The following MRPS23 variants were observed in gnomAD, a reference collection of about 807,000 sequenced individuals.
MRPS23 encodes the protein small ribosomal subunit protein mS23.
MRPS23 carries 14 observed loss-of-function variants against 19.8 expected under a neutral mutation model. The ratio of observed to expected loss-of-function variants is 0.71; its 90% CI spans 0.47 to 1.11. The LOEUF (loss-of-function observed/expected upper bound fraction) is 1.11. Among genes scored for constraint, MRPS23 ranks in the 50% least tolerant of loss-of-function variants. The pLI is 0.00. For synonymous variants in MRPS23, 113 were observed against 89.7 expected, an observed-to-expected ratio of 1.26 and a Z score of -1.47; for missense variants, 242 against 236.7, an observed-to-expected ratio of 1.02 and a Z score of -0.15.
chr17:57,848,731 A>AG (rs921262930), intron 2 of MRPS23: 1 of 149,168 alleles, frequency 6.7e-6, no homozygotes, highest in African/African-American at 2.5e-5. Flanking sequence ...CCGGACTACT[A>AG]GATCCACAGA....
At chr17:57,844,701 T>G (rs1597953073) in intron 2 of MRPS23, among the ~76,000 whole-genome samples, 1 of 133,026 alleles carries the variant, frequency 7.5e-6, no homozygotes, top group Admixed American at 8.3e-5. Flanking sequence ...ACCCGGGAGG[T>G]GGAGGCTGCA....
At chr17:57,844,159 C>T (rs1243145097) in intron 2 of MRPS23, among the ~76,000 whole-genome samples, 1 of 146,694 alleles carries the variant, frequency 6.8e-6, no homozygotes, top group Non-Finnish European at 1.5e-5. Context: ...GGGGTCTTGC[C>T]ATGTTGCCAG....
chr17:57,839,942 A>C lies in MRPS23; in HGVS notation c.421-7T>G. On this transcript the variant is annotated splice_region_variant and splice_polypyrimidine_tract_variant and intron_variant, in intron 4 of 4. Transcript: ENST00000313608. ...CGTGACTACCTCCGTGTTGCTTAAA[A>C]GACCAGATTTAAGTATCACAGAGAT... 6.2e-7 allele frequency: 1 copy of C among 1,614,062 alleles called. No homozygotes were observed. The highest frequency in any genetic ancestry group is 8.5e-7 in the Non-Finnish European group (1 of 1,179,892).
rs2073701484 is a variant in MRPS23 at position 57,835,941 on chromosome 17, C to T, written c.*3842G>A. On this transcript the variant is annotated 3_prime_UTR_variant, in exon 5 of 5. Transcript: ENST00000313608. ...GGGTTAAAAGAATAAGAATTTCTGCCCTCCTTTATACTTTTTTTTTTTTTT... is the reference window on the plus strand; with the variant it reads ...GGGTTAAAAGAATAAGAATTTCTGCTCTCCTTTATACTTTTTTTTTTTTTT... The T allele has an allele frequency of 6.9e-6, 1 of 144,818 alleles. No homozygotes were observed. The highest frequency in any genetic ancestry group is 2.5e-5 in the African/African-American group (1 of 39,592). The allele number at this position is 144,818 out of a possible 1,614,324, so 9.0% of individuals were successfully genotyped here. A position where few individuals can be genotyped will look rare whatever the true frequency, so the allele number is the denominator to read the frequency against.
At position 57,835,318 on chromosome 17, in the gene MRPS23, G is replaced by T. The variant is rs1329653737; in HGVS notation, c.*4465C>A. The T allele has an allele frequency of 6.6e-6, 1 of 152,158 alleles. No homozygotes were observed. Among genetic ancestry groups the T allele is most frequent in the African/African-American group, 2.4e-5 (1 of 41,414 alleles). 9.4% of individuals were successfully genotyped at this position (152,158 alleles called of 1,614,324 possible). A position where few individuals can be genotyped will look rare whatever the true frequency, so the allele number is the denominator to read the frequency against. ...AGCACCAGTTCCACGTCACCAACTG[G>T]GTGTTAGTGATGCTGCTAAGTTTTC... On this transcript the variant is annotated 3_prime_UTR_variant, in exon 5 of 5. Transcript: ENST00000313608.
chr17:57,836,775 C>T lies in MRPS23; in HGVS notation c.*3008G>A, dbSNP rs1264225435. 2 of 151,430 alleles carry T rather than the reference C, an allele frequency of 1.3e-5. No individual in the cohort carries two copies. Among genetic ancestry groups the T allele is most frequent in the African/African-American group, 4.9e-5 (2 of 41,116 alleles). 9.4% of individuals were successfully genotyped at this position (151,430 alleles called of 1,614,324 possible). On this transcript the variant is annotated 3_prime_UTR_variant, in exon 5 of 5. Coordinates refer to ENST00000313608, the MANE Select transcript of MRPS23 (RefSeq NM_016070.4). The stretch of plus-strand genomic sequence containing the variant: ...AACTGCAGCCTCTGCCTCCTGGGTT[C>T]CAGCGATTCTCCTGCCTCAGCCTCC...
intron 2 of MRPS23, among the ~76,000 whole-genome samples, chr17:57,848,444 G>A (rs1457782422): frequency 6.6e-6 from 1 of 151,118 alleles, no homozygotes. Flanking sequence ...GTGGGATCTC[G>A]GCTCACTGCA....
At chr17:57,847,164 G>A (rs891625172) in intron 2 of MRPS23, among the ~76,000 whole-genome samples, 22 of 151,444 alleles carry the variant, frequency 1.5e-4, no homozygotes, top group African/African-American at 5.3e-4. Context: ...ATGGTGGCGT[G>A]AGCCTGTAAT....
intron 2 of MRPS23, among the ~76,000 whole-genome samples, chr17:57,842,242 A>G (rs2144874514): frequency 6.6e-6 from 1 of 152,334 alleles, no homozygotes; most frequent in East Asian, 1.9e-4. Flanking sequence ...TTGAACTGCT[A>G]GCCTCAAGAG....
intron 2 of MRPS23, among the ~76,000 whole-genome samples, chr17:57,845,632 T>C (rs758105626): frequency 6.6e-6 from 1 of 152,210 alleles, no homozygotes; most frequent in Non-Finnish European, 1.5e-5. Context: ...TGTATAGGGA[T>C]GCTAAATGTG....
At position 57,839,550 on chromosome 17, in the gene MRPS23, T is replaced by C. The variant is rs1426136026; in HGVS notation, c.*233A>G. ...TTTACAATTCAAAGTAAATTTACTT[T>C]ATAAGCAGCTAGGGAATTCTTTATT... is the stretch of plus-strand genomic sequence containing the variant. On this transcript the variant is annotated 3_prime_UTR_variant, in exon 5 of 5. Transcript: ENST00000313608. The C allele has an allele frequency of 1.9e-5, 7 of 375,346 alleles. No homozygotes were observed. Among genetic ancestry groups the C allele is most frequent in the Admixed American group, 4.2e-5 (1 of 23,836 alleles). The allele number at this position is 375,346 out of a possible 1,614,324, so 23.3% of individuals were successfully genotyped here.
intron 2 of MRPS23, among the ~76,000 whole-genome samples, chr17:57,848,499 C>T (rs2073790851): frequency 6.6e-6 from 1 of 151,664 alleles, no homozygotes; most frequent in African/African-American, 2.4e-5. Flanking sequence ...CTCAGCCTTC[C>T]GAGTAGCTGG....
rs561433782 is a variant in MRPS23, at chr17:57,841,294, G to A, written c.216-34C>T. ...TGCAAACAACATAATATAAATCTCC[G>A]ATTATAGACTGTGGATGAGAATGGA... On this transcript the variant is annotated intron_variant, in intron 2 of 4. Coordinates refer to ENST00000313608, the MANE Select transcript of MRPS23 (RefSeq NM_016070.4). 254 of 1,579,942 alleles carry A rather than the reference G, an allele frequency of 1.6e-4. 6 individuals carry two copies. The South Asian group carries it at 2.3e-3, about 15-fold the overall frequency.
At chr17:57,847,390 C>T (rs1218564456) in intron 2 of MRPS23, among the ~76,000 whole-genome samples, 3 of 151,276 alleles carry the variant, frequency 2.0e-5, no homozygotes, top group Admixed American at 6.6e-5. Flanking sequence ...AGGCCGGGCG[C>T]GGTGGCTCAC....
chr17:57,834,796 C>T lies in MRPS23; in HGVS notation c.*4987G>A, dbSNP rs947421002. On this transcript the variant is annotated 3_prime_UTR_variant, in exon 5 of 5. Transcript: ENST00000313608. ...CTGCTGAAGGTTTTTAAGTGGCACG[C>T]CATCATTTATTTACAGAGAAAGGTA... 2.0e-5 allele frequency: 3 copies of T among 152,186 alleles called. No individual in the cohort carries two copies. The highest frequency in any genetic ancestry group is 4.4e-5 in the Non-Finnish European group (3 of 68,042). The allele number at this position is 152,186 out of a possible 1,614,324, so 9.4% of individuals were successfully genotyped here.
chr17:57,839,983 CAATT>C, intron 4 of MRPS23, 48 bp from the exon 5 acceptor site: 1 of 1,605,160 alleles, frequency 6.2e-7, no homozygotes, highest in Non-Finnish European at 8.5e-7. Flanking sequence ...CATTTTCACT[CAATT>C]AATTCGCTAA....
rs201476068 is a variant in MRPS23 at position 57,839,804 on chromosome 17, C to T, written c.552G>A (p.Ser184=). ...TCCTTCAGGGAGGCAAGAGACCTTT[C>T]GACTGGTCTGCAGGTGCCTCCAAAT... ...DQHLEAPADQ[S]KGLLPP Residue 184 remains serine, a synonymous_variant, in exon 5 of 5, where the codon TCG becomes TCA. Coordinates refer to ENST00000313608, the MANE Select transcript of MRPS23 (RefSeq NM_016070.4). 39 of 1,614,144 alleles carry T rather than the reference C, an allele frequency of 2.4e-5. No homozygotes were observed. The East Asian group carries it at 3.8e-4, about 16-fold the overall frequency.
intron 2 of MRPS23, among the ~76,000 whole-genome samples, chr17:57,843,786 T>C (rs1416934335): frequency 6.6e-6 from 1 of 152,234 alleles, no homozygotes; most frequent in Non-Finnish European, 1.5e-5. Context: ...TGGTCTATGG[T>C]AATTCGTTAC....
In MRPS23 at chr17:57,849,326, C is replaced by T; in HGVS notation, c.129G>A (p.Glu43=). 1 of 1,614,240 alleles carries T rather than the reference C, an allele frequency of 6.2e-7. No homozygotes were observed. Among genetic ancestry groups the T allele is most frequent in the Non-Finnish European group, 8.5e-7 (1 of 1,180,052 alleles). ...DVYDAFPPLR[E]PVFQRPRVRY... ...GCACTCGAGGCCTTTGGAAGACGGG[C>T]TCCCTCAGCGGGGGAAAGGCGTCAT... The change falls in exon 2 of 5, where the codon GAG becomes GAA. Residue 43 remains glutamate (E), a synonymous_variant. Coordinates refer to ENST00000313608, the MANE Select transcript of MRPS23 (RefSeq NM_016070.4).
Sources: allele counts gnomAD v4.1 joint callset (sites outside exome capture counted in the v4.1 genomes callset), GRCh38; gene constraint gnomAD v4.1.1; transcripts MANE v1.5; gene names NCBI Gene and HGNC (gene_info 2026-07-23, HGNC 2026-07-21).